The following ITGAE variants were observed in gnomAD, a reference collection of about 807,000 sequenced individuals.
ITGAE encodes integrin subunit alpha E.
Under a neutral mutation model 136.5 loss-of-function variants are expected in ITGAE, and 99 were observed. The ratio of observed to expected loss-of-function variants is 0.73; its 90% CI spans 0.62 to 0.86. The LOEUF is 0.86. Ranked by LOEUF, ITGAE falls within the 40% of genes least tolerant of loss-of-function variation. The pLI, the probability that ITGAE is intolerant of heterozygous loss-of-function variation, is 0.00. For synonymous variants in ITGAE, 613 were observed against 591.8 expected (o/e 1.04, Z -0.52); for missense variants, 1,447 against 1,515.3 (o/e 0.95, Z 0.75).
intron 2 of ITGAE, among the ~76,000 whole-genome samples, chr17:3,765,802 A>G (rs537910042): frequency 2.5e-4 from 38 of 152,156 alleles, no homozygotes; most frequent in African/African-American, 8.9e-4. Context: ...TCTATCTGCC[A>G]CCAGGATCTG....
At chr17:3,743,705 CT>C (rs34843140) in intron 18 of ITGAE, 88 bp from the exon 19 acceptor site, 58,801 of 916,026 alleles carry the variant, frequency 0.064, 1 homozygote, top group East Asian at 0.091. Context: ...TTCTTTTTTT[CT>C]TTTTTTTTTT....
intron 1 of ITGAE, among the ~76,000 whole-genome samples, chr17:3,781,436 A>G (rs1280260881): frequency 6.6e-6 from 1 of 151,448 alleles, no homozygotes; most frequent in Non-Finnish European, 1.5e-5. Context: ...TGCAACCACC[A>G]TCTCCCGGGT....
At chr17:3,725,024 A>G (rs1383474043) in intron 26 of ITGAE, 1 of 1,614,198 alleles carries the variant, frequency 6.2e-7, no homozygotes, top group Non-Finnish European at 8.5e-7. Flanking sequence ...AAAAGCTGGG[A>G]AAAGATTCGT....
chr17:3,744,932 T>C (rs1383997657), intron 18 of ITGAE, among the ~76,000 whole-genome samples: 1 of 152,202 alleles, frequency 6.6e-6, no homozygotes, highest in Non-Finnish European at 1.5e-5. Flanking sequence ...TGATTAAGCC[T>C]TTATTTAAGG....
intron 2 of ITGAE, among the ~76,000 whole-genome samples, chr17:3,767,091 CTT>C (rs774955924): frequency 2.1e-5 from 3 of 142,472 alleles, no homozygotes; most frequent in African/African-American, 2.6e-5. Flanking sequence ...TCTCCAAATT[CTT>C]TTTTTTTTTT....
At position 3,795,854 on chromosome 17, in the gene ITGAE, T is replaced by C. The variant is rs528011091; in HGVS notation, c.34+5257A>G. 1.7e-3 allele frequency among the ~76,000 whole-genome samples: 250 copies of C among 150,580 alleles called. 2 individuals carry two copies. The Middle Eastern group carries it at 0.024, about 14-fold the overall frequency. On this transcript the variant is annotated intron_variant, in intron 1 of 30. Transcript: ENST00000263087. Reference sequence around the variant, plus strand: ...GTGTGTGCATGTGTGCATCTGTGTGTGTGCATCCATGTGCATCCGTGTGCG... The same window carrying C: ...GTGTGTGCATGTGTGCATCTGTGTGCGTGCATCCATGTGCATCCGTGTGCG...
At position 3,739,911 on chromosome 17, in the gene ITGAE, G is replaced by C. The variant is rs1368945451; in HGVS notation, c.2449-33C>G. On this transcript the variant is annotated intron_variant, in intron 19 of 30. Transcript: ENST00000263087. ...CAGACAGAGAGTCCCGATCAGCCCA[G>C]GCTCCGCCTTCCCCAGCAGCCCTGC... is the stretch of plus-strand genomic sequence containing the variant. 4 of 1,573,480 alleles carry C rather than the reference G, an allele frequency of 2.5e-6. No homozygotes were observed. The Admixed American group carries it at 5.0e-5, about 20-fold the overall frequency.
chr17:3,746,054 C>T lies in ITGAE; in HGVS notation c.2156-127G>A, dbSNP rs555409241. The T allele has an allele frequency of 1.6e-4, 129 of 796,728 alleles. 2 individuals carry two copies. Among genetic ancestry groups the T allele is most frequent in the Non-Finnish European group, 1.9e-4 (99 of 508,680 alleles). The allele number at this position is 796,728 out of a possible 1,614,324, so 49.4% of individuals were successfully genotyped here. ...GTGTCCCCATGCAGGTACTTCCCTG[C>T]GGCTGGACTCCTGCGTCGGTTTTTC... On this transcript the variant is annotated intron_variant, in intron 17 of 30. Coordinates refer to ENST00000263087, the MANE Select transcript of ITGAE (RefSeq NM_002208.5).
At chr17:3,758,149 A>G (rs1336508542) in intron 8 of ITGAE, among the ~76,000 whole-genome samples, 4 of 152,186 alleles carry the variant, frequency 2.6e-5, no homozygotes, top group Non-Finnish European at 5.9e-5. Flanking sequence ...ACGATAGATA[A>G]TACTCACATG....
At chr17:3,723,487 G>A (rs1372730563) in intron 27 of ITGAE, 104 bp from the exon 28 acceptor site, 2 of 1,021,394 alleles carry the variant, frequency 2.0e-6, no homozygotes, top group South Asian at 2.6e-5. Flanking sequence ...AGAATAGAGG[G>A]TGTGAGCAAT....
chr17:3,734,586 C>G (rs533129375), intron 21 of ITGAE, among the ~76,000 whole-genome samples: 2 of 152,286 alleles, frequency 1.3e-5, no homozygotes, highest in East Asian at 1.9e-4. Context: ...CTCTCAGAAC[C>G]CTGGTGAAGA....
intron 1 of ITGAE, among the ~76,000 whole-genome samples, chr17:3,796,896 T>C (rs921611241): frequency 1.3e-5 from 2 of 152,046 alleles, no homozygotes; most frequent in African/African-American, 4.8e-5. Context: ...GCTGAAGAAG[T>C]GGGGCTAGAT....
intron 27 of ITGAE, 70 bp from the exon 28 acceptor site, chr17:3,723,453 G>T: frequency 1.7e-6 from 2 of 1,181,292 alleles, no homozygotes; most frequent in Non-Finnish European, 2.5e-6. Context: ...TTAACACTTC[G>T]GACACAGAGC....
rs946368969 is a variant in ITGAE, at chr17:3,736,954, G to A, written c.2523-2005C>T. ...GGGAGAGACAGGAAGCAGAGACAGA[G>A]CCTGCTGTCTCCACCCGAGAGATGA... On this transcript the variant is annotated intron_variant, in intron 20 of 30. Transcript: ENST00000263087. Among the ~76,000 whole-genome samples, 6 of 152,222 alleles carry A rather than the reference G, an allele frequency of 3.9e-5. 1 individual carries two copies.
At position 3,743,768 on chromosome 17, in the gene ITGAE, T is replaced by A. The variant is rs2051646412; in HGVS notation, c.2320-151A>T. 9 of 785,238 alleles carry A rather than the reference T, an allele frequency of 1.1e-5. No homozygotes were observed. In the South Asian group the frequency reaches 1.8e-4, roughly 15 times the overall value. The allele number at this position is 785,238 out of a possible 1,614,324, so 48.6% of individuals were successfully genotyped here. On this transcript the variant is annotated intron_variant, in intron 18 of 30. Coordinates refer to ENST00000263087, the MANE Select transcript of ITGAE (RefSeq NM_002208.5). ...CCCAGGCTGGAGTGCAGTGGCGTGA[T>A]CTCGGCTCACTGCAACCTCCGCCTC...
At chr17:3,719,850 C>T (rs2051014717) in intron 29 of ITGAE, among the ~76,000 whole-genome samples, 1 of 152,104 alleles carries the variant, frequency 6.6e-6, no homozygotes, top group Non-Finnish European at 1.5e-5. Flanking sequence ...GCCTCAGCCT[C>T]CCAAGTAGGT....
chr17:3,748,176 G>A lies in ITGAE; in HGVS notation c.2025-124C>T, dbSNP rs2051766608. On this transcript the variant is annotated intron_variant, in intron 16 of 30. Coordinates refer to ENST00000263087, the MANE Select transcript of ITGAE (RefSeq NM_002208.5). Reference sequence around the variant, plus strand: ...ATGCCCACATCCAGGTGATCCCTGAGTCTCAGGGTACAGTGGGGAAAGAGA... The same window carrying A: ...ATGCCCACATCCAGGTGATCCCTGAATCTCAGGGTACAGTGGGGAAAGAGA... 1.7e-5 allele frequency: 16 copies of A among 965,902 alleles called. No individual in the cohort carries two copies. In the South Asian group the frequency reaches 2.3e-4, roughly 14 times the overall value. 59.8% of individuals were successfully genotyped at this position (965,902 alleles called of 1,614,324 possible). A position where few individuals can be genotyped will look rare whatever the true frequency, so the allele number is the denominator to read the frequency against.
chr17:3,770,772 C>T (rs187248682), intron 2 of ITGAE, among the ~76,000 whole-genome samples: 217 of 152,268 alleles, frequency 1.4e-3, no homozygotes, highest in Non-Finnish European at 2.5e-3. Context: ...CTGGGCCCTC[C>T]CCCAGCCCCT....
At position 3,723,324 on chromosome 17, in the gene ITGAE, G is replaced by A. The variant is rs1186361118; in HGVS notation, c.3201C>T (p.Thr1067=). The A allele has an allele frequency of 6.2e-6, 10 of 1,613,624 alleles. No homozygotes were observed. Among genetic ancestry groups the A allele is most frequent in the Admixed American group, 3.3e-5 (2 of 59,998 alleles). Reference sequence around the variant, plus strand: ...GATCCCAGGAGATCTCTGCAGCCACGGTGACATTTTCTTTATCTGAAGCGA... The same window carrying A: ...GATCCCAGGAGATCTCTGCAGCCACAGTGACATTTTCTTTATCTGAAGCGA... ...CVIASDKENV[T]VAAEISWDHS... The change falls in exon 28 of 31, where the codon ACC becomes ACT. Residue 1067 remains threonine, a synonymous_variant. Coordinates refer to ENST00000263087, the MANE Select transcript of ITGAE (RefSeq NM_002208.5).
Sources: gnomAD v4.1 joint callset for allele counts (sites outside exome capture counted in the v4.1 genomes callset) on GRCh38, gnomAD v4.1.1 for gene constraint, MANE v1.5 for transcripts, NCBI Gene and HGNC (gene_info 2026-07-23, HGNC 2026-07-21) for gene names.